SHMT1: variants seen among roughly 807,000 people sequenced by gnomAD.
SHMT1 encodes the protein serine hydroxymethyltransferase, cytosolic.
Under a neutral mutation model 49.0 loss-of-function variants are expected in SHMT1, and 45 were observed. The ratio of observed to expected loss-of-function variants is 0.92; its 90% CI spans 0.72 to 1.18. The LOEUF is 1.18. Ranked by LOEUF, SHMT1 falls within the 50% of genes most tolerant of loss-of-function variation. SHMT1 has a pLI of 0.00. For missense variants in SHMT1, 541 were observed against 612.4 expected (o/e 0.88, Z 1.23); for synonymous variants, 232 against 246.6 (o/e 0.94, Z 0.55).
intron 2 of SHMT1, 110 bp downstream of exon 2, chr17:18,355,776 G>A (rs1986181290): frequency 1.6e-5 from 12 of 738,768 alleles, no homozygotes. Context: ...TCTAAATCCA[G>A]CAGGATAATA....
rs1321728871 is a variant in SHMT1 at position 18,328,488 on chromosome 17, T to C, written c.*262A>G. On this transcript the variant is annotated 3_prime_UTR_variant, in exon 12 of 12. Coordinates refer to ENST00000316694, the MANE Select transcript of SHMT1 (RefSeq NM_004169.5). ...ACCAAGTGGCGACATAGTATTTTAT[T>C]TTCCTAGAATTATGTCCAGCTGTGA... 7.9e-6 allele frequency: 4 copies of C among 508,864 alleles called. No individual in the cohort carries two copies. The highest frequency in any genetic ancestry group is 5.8e-5 in the African/African-American group (3 of 51,924). The allele number at this position is 508,864 out of a possible 1,614,324, so 31.5% of individuals were successfully genotyped here. A position where few individuals can be genotyped will look rare whatever the true frequency, so the allele number is the denominator to read the frequency against.
At chr17:18,334,299 G>C (rs1290969493) in intron 8 of SHMT1, among the ~76,000 whole-genome samples, 1 of 152,078 alleles carries the variant, frequency 6.6e-6, no homozygotes, top group East Asian at 1.9e-4. Flanking sequence ...ATGTTGGCCA[G>C]GCTGGTCTCA....
At chr17:18,345,712 C>T (rs1232484068) in intron 5 of SHMT1, among the ~76,000 whole-genome samples, 1 of 150,398 alleles carries the variant, frequency 6.6e-6, no homozygotes, top group Non-Finnish European at 1.5e-5. Flanking sequence ...TGGAGTTTCA[C>T]TCTTGTCGCC....
At chr17:18,355,615 G>A (rs988073758) in intron 2 of SHMT1, among the ~76,000 whole-genome samples, 2 of 151,936 alleles carry the variant, frequency 1.3e-5, no homozygotes, top group African/African-American at 4.8e-5. Flanking sequence ...TATATTCCCT[G>A]TGAACTGTCA....
At chr17:18,330,833 C>T (rs955517096) in intron 9 of SHMT1, 162 bp from the exon 10 acceptor site, 22 of 680,052 alleles carry the variant, frequency 3.2e-5, no homozygotes, top group Non-Finnish European at 5.4e-5. Flanking sequence ...GAGAGATGCC[C>T]GTGCCTAAGA....
chr17:18,347,917 T>TG (rs201892779), intron 4 of SHMT1, among the ~76,000 whole-genome samples: 27 of 149,742 alleles, frequency 1.8e-4, no homozygotes, highest in African/African-American at 5.6e-4. Context: ...TATGGCAGTT[T>TG]TTTTTTTTTT....
rs541074366 is a variant in SHMT1 at position 18,354,766 on chromosome 17, G to A, written c.97-949C>T. The stretch of plus-strand genomic sequence containing the variant: ...AAAGAAAAGATGCTTTAGGCCGGGC[G>A]TGGTGGCTCACGCCTGTAATCCCAG... On this transcript the variant is annotated intron_variant, in intron 2 of 11. Transcript: ENST00000316694. 2.2e-3 allele frequency among the ~76,000 whole-genome samples: 335 copies of A among 151,812 alleles called. 2 individuals carry two copies. The highest frequency in any genetic ancestry group is 5.0e-3 in the Admixed American group (76 of 15,184).
At chr17:18,331,240 T>C (rs1983175546) in intron 9 of SHMT1, 1 of 220,542 alleles carries the variant, frequency 4.5e-6, no homozygotes, top group Non-Finnish European at 9.1e-6. Context: ...TTCATTAAGC[T>C]GGGGTAGTGC....
chr17:18,348,388 G>A lies in SHMT1; in HGVS notation c.295C>T (p.Arg99Ter), dbSNP rs889650535. ...TCCAGCTTATAGGCCTGCAGGGCTC[G>A]CTTCTGACAGAGGGTCTCCAGTTCA... is the stretch of plus-strand genomic sequence containing the variant. Reference protein sequence around the residue: ...IDELETLCQKRALQAYKLDPQ... With the variant: ...IDELETLCQK Residue 99 changes from arginine to a stop codon, truncating the protein, a stop_gained, in exon 4 of 12, where the codon CGA becomes TGA. Transcript: ENST00000316694. LOFTEE classifies it high-confidence loss of function. The A allele has an allele frequency of 7.4e-6, 12 of 1,613,966 alleles. No individual in the cohort carries two copies. The highest frequency in any genetic ancestry group is 5.0e-5 in the Admixed American group (3 of 60,012).
At chr17:18,337,896 T>G (rs1598026267) in intron 7 of SHMT1, among the ~76,000 whole-genome samples, 5 of 151,742 alleles carry the variant, frequency 3.3e-5, no homozygotes, top group East Asian at 3.9e-4. Context: ...CAGGCTGGAG[T>G]GCAGTGGTGT....
intron 8 of SHMT1, among the ~76,000 whole-genome samples, chr17:18,333,797 G>T (rs1354297374): frequency 6.6e-6 from 1 of 151,924 alleles, no homozygotes; most frequent in Non-Finnish European, 1.5e-5. Flanking sequence ...TATATTTTTT[G>T]AGACAGGGTC....
Position 18,330,548 on chromosome 17 carries a change from T to G in SHMT1, c.1171+7A>C, listed in dbSNP as rs746954262. The G allele has an allele frequency of 3.2e-6, 5 of 1,586,230 alleles. 1 individual carries two copies. The Admixed American group carries it at 6.7e-5, about 21-fold the overall frequency. On this transcript the variant is annotated splice_region_variant and intron_variant, in intron 10 of 11. Transcript: ENST00000316694. ...GGAGTGAAGGAGAAGGCAAGGATGA[T>G]TCTCACCTGGACAGGTGTTCTTGTT...
intron 5 of SHMT1, chr17:18,341,158 C>CGT (rs1984461592): frequency 2.9e-6 from 1 of 340,906 alleles, no homozygotes; most frequent in African/African-American, 2.1e-5. Context: ...AAAATGCCTG[C>CGT]TAATACTACT....
At chr17:18,344,318 T>G (rs553542016) in intron 5 of SHMT1, among the ~76,000 whole-genome samples, 2 of 152,220 alleles carry the variant, frequency 1.3e-5, no homozygotes, top group African/African-American at 4.8e-5. Flanking sequence ...TCACCTGAAT[T>G]TGGCAAAGAA....
Position 18,331,186 on chromosome 17 carries a change from G to C in SHMT1, c.1055-515C>G, listed in dbSNP as rs192191259. Reference sequence around the variant, plus strand: ...ACAGCAAGGCTAACAGAGTTTTCTGGACCTGGCCCGAGGTCATACAGGAGG... The same window carrying C: ...ACAGCAAGGCTAACAGAGTTTTCTGCACCTGGCCCGAGGTCATACAGGAGG... On this transcript the variant is annotated intron_variant, in intron 9 of 11. Transcript: ENST00000316694. The C allele has an allele frequency of 1.3e-4, 35 of 260,354 alleles. No homozygotes were observed. In the East Asian group the frequency reaches 3.3e-3, roughly 25 times the overall value. 16.1% of individuals were successfully genotyped at this position (260,354 alleles called of 1,614,324 possible).
rs973741303 is a variant in SHMT1 at position 18,359,260 on chromosome 17, CT to C, written c.-19-3261del. Among the ~76,000 whole-genome samples, 5 of 148,498 alleles carry C rather than the reference CT, an allele frequency of 3.4e-5. 1 individual carries two copies. Among genetic ancestry groups the C allele is most frequent in the Admixed American group, 3.4e-4 (5 of 14,892 alleles). ...CTCCAGGGGAAAAAAAAAAAAGGGC[CT>C]GGTATGGTGGCTTATGCCTGTAATC... On this transcript the variant is annotated intron_variant, in intron 1 of 11. Coordinates refer to ENST00000316694, the MANE Select transcript of SHMT1 (RefSeq NM_004169.5).
chr17:18,361,296 C>CT (rs1986737948), intron 1 of SHMT1, among the ~76,000 whole-genome samples: 1 of 95,604 alleles, frequency 1.0e-5, no homozygotes, highest in Non-Finnish European at 2.2e-5. Flanking sequence ...AAGACTCTGT[C>CT]TCAAAAAAAA....
intron 1 of SHMT1, among the ~76,000 whole-genome samples, chr17:18,361,869 C>CA (rs1487767077): frequency 3.3e-5 from 5 of 152,126 alleles, no homozygotes; most frequent in Admixed American, 2.6e-4. Context: ...CCAGCCAACA[C>CA]AGCTCACTGC....
chr17:18,360,746 G>A (rs1986682338), intron 1 of SHMT1, among the ~76,000 whole-genome samples: 1 of 152,078 alleles, frequency 6.6e-6, no homozygotes, highest in African/African-American at 2.4e-5. Context: ...TCAAAGGCCA[G>A]ACAAAGGAGA....
Sources: allele counts gnomAD v4.1 joint callset (sites outside exome capture counted in the v4.1 genomes callset), GRCh38; gene constraint gnomAD v4.1.1; transcripts MANE v1.5; gene names NCBI Gene and HGNC (gene_info 2026-07-23, HGNC 2026-07-21).